CHRNA10: variants seen among roughly 807,000 people sequenced by gnomAD.
The protein encoded by CHRNA10 is cholinergic receptor nicotinic alpha 10 subunit, also known as neuronal acetylcholine receptor subunit alpha-10.
In CHRNA10, 31 loss-of-function variants were observed where a neutral mutation model predicts 36.0. The ratio of observed to expected loss-of-function variants is 0.86; its 90% CI spans 0.65 to 1.16. The LOEUF is 1.16. Among genes scored for constraint, CHRNA10 ranks in the 50% most tolerant of loss-of-function variants. CHRNA10 has a pLI of 0.00. For missense variants in CHRNA10, 648 were observed against 640.9 expected, an observed-to-expected ratio of 1.01 and a Z score of -0.12; for synonymous variants, 302 against 287.0, an observed-to-expected ratio of 1.05 and a Z score of -0.53.
chr11:3,666,717 G>C (rs1009346167), intron 4 of CHRNA10, among the ~76,000 whole-genome samples, 153 bp from the exon 5 acceptor site: 4 of 152,118 alleles, frequency 2.6e-5, no homozygotes, highest in Non-Finnish European at 5.9e-5. Flanking sequence ...GGTAAGGGCC[G>C]AGTTCTCCCC....
At position 3,667,236 on chromosome 11, in the gene CHRNA10, G is replaced by A. The variant is rs755440002; in HGVS notation, c.891C>T (p.Leu297=). 1.3e-6 allele frequency: 2 copies of A among 1,580,502 alleles called. No homozygotes were observed. Among genetic ancestry groups the A allele is most frequent in the African/African-American group, 1.3e-5 (1 of 74,432 alleles). Residue 297 remains leucine, a synonymous_variant, in exon 4 of 5, where the codon CTC becomes CTT. Coordinates refer to ENST00000250699, the MANE Select transcript of CHRNA10 (RefSeq NM_020402.4). ...CCCCGCGCCCCCGCTGCTCACCGAT[G>A]AGCGGCACGCTCTCGGCCGGTGGCA... ...ESMPPAESVP[L]IGKYYMATMT...
chr11:3,667,542 G>A lies in CHRNA10; in HGVS notation c.585C>T (p.Asp195=). ...CGCGCCACTCCACGTTCTCCACGAA[G>A]TCCGCCAGGCTGGCTGCAGCGCCGC... ...RPRGAAASLA[D]FVENVEWRVL... The change falls in exon 4 of 5, where the codon GAC becomes GAT. Residue 195 remains aspartate (D), a synonymous_variant. Transcript: ENST00000250699. 1.3e-6 allele frequency: 2 copies of A among 1,583,968 alleles called. No homozygotes were observed. The highest frequency in any genetic ancestry group is 1.7e-6 in the Non-Finnish European group (2 of 1,171,504).
Position 3,666,401 on chromosome 11 carries a change from T to G in CHRNA10, c.1059A>C (p.Arg353Ser). The change falls in exon 5 of 5, where the codon AGA becomes AGC. Residue 353 changes from arginine (R) to serine (S), a missense_variant. Physicochemically the swap from Arg to Ser is moderately radical, Grantham distance 110. Transcript: ENST00000250699. ...GCCTGGACTGCCCACAGGGCTCCCC[T>G]CTTTCCCGCACGCACAGGCCCCGTG... ...HLARGLCVRERGEPCGQSRPP... is the reference protein window; with the variant it reads ...HLARGLCVRESGEPCGQSRPP... 1 of 1,613,952 alleles carries G rather than the reference T, an allele frequency of 6.2e-7. No individual in the cohort carries two copies. Among genetic ancestry groups the G allele is most frequent in the East Asian group, 2.2e-5 (1 of 44,878 alleles).
chr11:3,669,154 T>C, intron 3 of CHRNA10, 42 bp downstream of exon 3: 2 of 1,587,578 alleles, frequency 1.3e-6, no homozygotes, highest in Admixed American at 3.4e-5. Context: ...AGGGCAAGTC[T>C]AGAGAGGGGT....
intron 3 of CHRNA10, among the ~76,000 whole-genome samples, chr11:3,668,114 GCT>G (rs1474784092): frequency 4.6e-5 from 7 of 152,148 alleles, no homozygotes; most frequent in Non-Finnish European, 1.0e-4. Flanking sequence ...TAACTTACTG[GCT>G]CTTTCTTGAA....
chr11:3,667,296 C>T lies in CHRNA10; in HGVS notation c.831G>A (p.Ala277=), dbSNP rs759939729. The change falls in exon 4 of 5, where the codon GCG becomes GCA. Residue 277 remains alanine, a synonymous_variant. Coordinates refer to ENST00000250699, the MANE Select transcript of CHRNA10 (RefSeq NM_020402.4). Reference sequence around the variant, plus strand: ...CCAGCAGCAACTGGAAGACGGTGAGCGCCAGCAGCACGGTGACGCCCAGCG... The same window carrying T: ...CCAGCAGCAACTGGAAGACGGTGAGTGCCAGCAGCACGGTGACGCCCAGCG... The part of the protein sequence containing the change: ...KVSLGVTVLL[A]LTVFQLLLAE... The T allele has an allele frequency of 3.8e-6, 6 of 1,598,284 alleles. No homozygotes were observed. In the African/African-American group the frequency reaches 4.0e-5, roughly 11 times the overall value.
At chr11:3,668,889 T>A (rs1325735564) in intron 3 of CHRNA10, 11 of 259,148 alleles carry the variant, frequency 4.2e-5, no homozygotes, top group Non-Finnish European at 8.0e-5. Context: ...CACAGGCTCT[T>A]CGGGGAGCCC....
Position 3,669,901 on chromosome 11 carries a change from G to A in CHRNA10, c.102C>T (p.Phe34=). The A allele has an allele frequency of 5.0e-6, 8 of 1,614,136 alleles. No individual in the cohort carries two copies. Among genetic ancestry groups the A allele is most frequent in the Non-Finnish European group, 6.8e-6 (8 of 1,180,014 alleles). ...TTGTGTAGTTGGCAAAGAGGTCACG[G>A]AACAGCTTGAGAGCCAGCCGGCCCT... ...GAEGRLALKL[F]RDLFANYTSA... The change falls in exon 2 of 5, where the codon TTC becomes TTT. Residue 34 remains phenylalanine (F), a synonymous_variant. Coordinates refer to ENST00000250699, the MANE Select transcript of CHRNA10 (RefSeq NM_020402.4).
At position 3,666,160 on chromosome 11, in the gene CHRNA10, A is replaced by G. The variant is rs377727660; in HGVS notation, c.1300T>C (p.Phe434Leu). Residue 434 changes from phenylalanine (F) to leucine (L), a missense_variant, in exon 5 of 5, where the codon TTC becomes CTC. Transcript: ENST00000250699. ...RVMDRFFLAI[F>L]FSMALVMSLL... ...CTCATGACCAGGGCCATGGAGAAGA[A>G]GATGGCCAGGAAGAAGCGGTCCATC... 1.9e-6 allele frequency: 3 copies of G among 1,604,332 alleles called. No individual in the cohort carries two copies. The African/African-American group carries it at 4.0e-5, about 21-fold the overall frequency.
Position 3,669,035 on chromosome 11 carries a change from A to G in CHRNA10, c.362+161T>C, listed in dbSNP as rs1188404870. ...ATAGCCTAAAGTGGGGGTGCCATGG[A>G]GGGGCTGAGTGCCTGGCAGCTTAGA... On this transcript the variant is annotated intron_variant, in intron 3 of 4. Coordinates refer to ENST00000250699, the MANE Select transcript of CHRNA10 (RefSeq NM_020402.4). The G allele has an allele frequency of 5.6e-6, 4 of 714,000 alleles. No individual in the cohort carries two copies. In the Admixed American group the frequency reaches 9.2e-5, roughly 16 times the overall value. 44.2% of individuals were successfully genotyped at this position (714,000 alleles called of 1,614,324 possible).
chr11:3,668,312 G>C (rs1211742966), intron 3 of CHRNA10, among the ~76,000 whole-genome samples: 1 of 152,110 alleles, frequency 6.6e-6, no homozygotes, highest in Non-Finnish European at 1.5e-5. Context: ...AGGAGATCGA[G>C]ACCACCCTGG....
At position 3,666,548 on chromosome 11, in the gene CHRNA10, G is replaced by T. The variant is rs1169619565; in HGVS notation, c.912C>A (p.Ala304=). 1 of 1,547,778 alleles carries T rather than the reference G, an allele frequency of 6.5e-7. No individual in the cohort carries two copies. Among genetic ancestry groups the T allele is most frequent in the Non-Finnish European group, 8.7e-7 (1 of 1,145,680 alleles). Reference sequence around the variant, plus strand: ...TTGAGAATGTGACCATGGTCATAGTGGCCATGTAGTACTTCCCTGCAAGAG... The same window carrying T: ...TTGAGAATGTGACCATGGTCATAGTTGCCATGTAGTACTTCCCTGCAAGAG... ...SVPLIGKYYM[A]TMTMVTFSTA... The change falls in exon 5 of 5, where the codon GCC becomes GCA. Residue 304 remains alanine, a synonymous_variant. Transcript: ENST00000250699.
Position 3,667,290 on chromosome 11 carries a change from G to T in CHRNA10, c.837C>A (p.Thr279=). 2 of 1,598,208 alleles carry T rather than the reference G, an allele frequency of 1.3e-6. No individual in the cohort carries two copies. Among genetic ancestry groups the T allele is most frequent in the Non-Finnish European group, 1.7e-6 (2 of 1,178,560 alleles). ...TCTCGGCCAGCAGCAACTGGAAGACGGTGAGCGCCAGCAGCACGGTGACGC... is the reference window on the plus strand; with the variant it reads ...TCTCGGCCAGCAGCAACTGGAAGACTGTGAGCGCCAGCAGCACGGTGACGC... ...SLGVTVLLAL[T]VFQLLLAESM... is the part of the protein sequence containing the mutation. Residue 279 remains threonine, a synonymous_variant, in exon 4 of 5, where the codon ACC becomes ACA. Coordinates refer to ENST00000250699, the MANE Select transcript of CHRNA10 (RefSeq NM_020402.4).
intron 3 of CHRNA10, 132 bp from the exon 4 acceptor site, chr11:3,667,896 A>G: frequency 1.2e-6 from 1 of 802,724 alleles, no homozygotes; most frequent in Non-Finnish European, 1.8e-6. Flanking sequence ...GAGGCTCGTT[A>G]AGTTCGAGAC....
In CHRNA10 at chr11:3,669,278, C is replaced by T. The variant is rs779888364; in HGVS notation, c.280G>A (p.Asp94Asn). 1.2e-6 allele frequency: 2 copies of T among 1,614,060 alleles called. No individual in the cohort carries two copies. The highest frequency in any genetic ancestry group is 1.7e-6 in the Non-Finnish European group (2 of 1,179,982). ...TCCAGGCCACCATAGGCATTGGGGT[C>T]CCATCGTAGGTAGGCATCTGTCCAC... ...QEWTDAYLRW[D>N]PNAYGGLDAI... The change falls in exon 3 of 5, where the codon GAC (aspartate) becomes AAC (asparagine). Residue 94 changes from aspartate (D) to asparagine (N), a missense_variant. Asp to Asn is a conservative substitution (Grantham distance 23, BLOSUM62 1). Coordinates refer to ENST00000250699, the MANE Select transcript of CHRNA10 (RefSeq NM_020402.4).
Position 3,669,900 on chromosome 11 carries a change from G to A in CHRNA10, c.103C>T (p.Arg35Cys), listed in dbSNP as rs763873348. The change falls in exon 2 of 5, where the codon CGT (arginine) becomes TGT (cysteine). Residue 35 changes from arginine to cysteine, a missense_variant. Transcript: ENST00000250699. Reference protein sequence around the residue: ...AEGRLALKLFRDLFANYTSAL... With the variant: ...AEGRLALKLFCDLFANYTSAL... Reference sequence around the variant, plus strand: ...CTTGTGTAGTTGGCAAAGAGGTCACGGAACAGCTTGAGAGCCAGCCGGCCC... The same window carrying A: ...CTTGTGTAGTTGGCAAAGAGGTCACAGAACAGCTTGAGAGCCAGCCGGCCC... 107 of 1,614,146 alleles carry A rather than the reference G, an allele frequency of 6.6e-5. 2 individuals are homozygous for A. In the South Asian group the frequency reaches 8.9e-4, roughly 13 times the overall value.
At chr11:3,669,047 C>T (rs2077692964) in intron 3 of CHRNA10, 149 bp downstream of exon 3, 3 of 837,782 alleles carry the variant, frequency 3.6e-6, no homozygotes, top group Non-Finnish European at 5.4e-6. Context: ...GGGCTGAGTG[C>T]CTGGCAGCTT....
rs773901070 is a variant in CHRNA10, at chr11:3,669,206, G to C, written c.352C>G (p.Leu118Val). The change falls in exon 3 of 5, where the codon CTC becomes GTC. Residue 118 changes from leucine to valine, a missense_variant. Coordinates refer to ENST00000250699, the MANE Select transcript of CHRNA10 (RefSeq NM_020402.4). The stretch of plus-strand genomic sequence containing the variant: ...CCAGATAGGCAGTACTTGTTATAGA[G>C]TACGATGTCTGGCCGCCACACAAGA... The part of the protein sequence containing the change: ...SSLVWRPDIV[L>V]YNKADAQPPG... 2 of 1,613,318 alleles carry C rather than the reference G, an allele frequency of 1.2e-6. No individual in the cohort carries two copies. The highest frequency in any genetic ancestry group is 1.1e-5 in the South Asian group (1 of 90,976).
At position 3,666,294 on chromosome 11, in the gene CHRNA10, A is replaced by T. The variant is rs2077659694; in HGVS notation, c.1166T>A (p.Leu389Gln). The T allele has an allele frequency of 1.2e-6, 2 of 1,613,630 alleles. No individual in the cohort carries two copies. The highest frequency in any genetic ancestry group is 3.3e-5 in the Admixed American group (2 of 59,952). ...GTGCAGTAGGGCTTCCTGGCGGCAC[A>T]GACATCGTGGCTCGTGGCAAGGGCC... ...PAGPCHEPRC[L>Q]CRQEALLHHV... The change falls in exon 5 of 5, where the codon CTG (leucine) becomes CAG (glutamine). Residue 389 changes from leucine (L) to glutamine (Q), a missense_variant. Coordinates refer to ENST00000250699, the MANE Select transcript of CHRNA10 (RefSeq NM_020402.4).
Sources: gnomAD v4.1 joint callset for allele counts (sites outside exome capture counted in the v4.1 genomes callset) on GRCh38, gnomAD v4.1.1 for gene constraint, MANE v1.5 for transcripts, NCBI Gene and HGNC (gene_info 2026-07-23, HGNC 2026-07-21) for gene names.